Variants in MMRN1 observed in about 807,000 individuals in gnomAD.
MMRN1 encodes multimerin-1.
A neutral mutation model predicts 100.7 loss-of-function variants in MMRN1; 94 were observed. The observed-to-expected ratio is 0.93, with a 90% CI of 0.79 to 1.11. The LOEUF is 1.11. Ranked by LOEUF, MMRN1 falls within the 50% of genes least tolerant of loss-of-function variation. The probability of loss-of-function intolerance (pLI) is 0.00; values close to 1 mark genes in which losing one functional copy is unlikely to be tolerated. For missense variants in MMRN1, 1,606 were observed against 1,439.1 expected, an observed-to-expected ratio of 1.12 and a Z score of -1.88; for synonymous variants, 575 against 505.0, an observed-to-expected ratio of 1.14 and a Z score of -1.86.
chr4:89,886,579 T>G (rs1720941314), intron 1 of MMRN1, among the ~76,000 whole-genome samples: 1 of 152,178 alleles, frequency 6.6e-6, no homozygotes, highest in Non-Finnish European at 1.5e-5. Flanking sequence ...TGTTCGAATC[T>G]TCTATATCAT....
At chr4:89,887,006 G>A (rs995203129) in intron 1 of MMRN1, among the ~76,000 whole-genome samples, 2 of 151,850 alleles carry the variant, frequency 1.3e-5, no homozygotes, top group Non-Finnish European at 1.5e-5. Context: ...TTTATCCCCT[G>A]CTCATCACTA....
intron 5 of MMRN1, among the ~76,000 whole-genome samples, chr4:89,933,261 T>G (rs1488355856): frequency 6.6e-5 from 10 of 152,102 alleles, no homozygotes; most frequent in Admixed American, 6.6e-4. Flanking sequence ...TCTGAGACCA[T>G]CTCAGCCTGG....
intron 1 of MMRN1, among the ~76,000 whole-genome samples, chr4:89,885,268 A>C (rs1365285211): frequency 6.6e-6 from 1 of 151,720 alleles, no homozygotes; most frequent in Non-Finnish European, 1.5e-5. Context: ...AATCAACCTT[A>C]ACTTCTTTGA....
chr4:89,888,615 T>C lies in MMRN1; in HGVS notation c.-248-6109T>C, dbSNP rs1475598190. Among the ~76,000 whole-genome samples the C allele has an allele frequency of 2.6e-5, 4 of 152,066 alleles. No individual in the cohort carries two copies. The East Asian group carries it at 7.7e-4, about 29-fold the overall frequency. On this transcript the variant is annotated intron_variant, in intron 1 of 8. Transcript: ENST00000394980. Reference sequence around the variant, plus strand: ...GAAATTGTTCCACAGATCTCGACACTGTGTATTTCGTTCACATATTCATCT... The same window carrying C: ...GAAATTGTTCCACAGATCTCGACACCGTGTATTTCGTTCACATATTCATCT...
intron 3 of MMRN1, among the ~76,000 whole-genome samples, chr4:89,917,436 G>C (rs2110606532): frequency 6.6e-6 from 1 of 151,898 alleles, no homozygotes; most frequent in African/African-American, 2.4e-5. Flanking sequence ...ATGATGATTG[G>C]TGGGAAGGGG....
intron 3 of MMRN1, among the ~76,000 whole-genome samples, chr4:89,913,376 G>C (rs1338069412): frequency 6.6e-6 from 1 of 151,312 alleles, no homozygotes; most frequent in Non-Finnish European, 1.5e-5. Context: ...CTTATTAGTA[G>C]ACATGTGGCA....
At chr4:89,948,267 C>T (rs1276397193) in intron 6 of MMRN1, among the ~76,000 whole-genome samples, 5 of 152,106 alleles carry the variant, frequency 3.3e-5, no homozygotes, top group Admixed American at 3.3e-4. Flanking sequence ...ACTAATCCAT[C>T]AGGTATTTTT....
intron 1 of MMRN1, among the ~76,000 whole-genome samples, chr4:89,899,172 A>C (rs1721304177): frequency 6.6e-6 from 1 of 151,802 alleles, no homozygotes; most frequent in East Asian, 1.9e-4. Context: ...ATTCAGGATT[A>C]TTCTGGCATA....
chr4:89,953,448 A>G lies in MMRN1; in HGVS notation c.*30A>G. Reference sequence around the variant, plus strand: ...GTATGAAAAACAGACTATCACCTTTATTGAGAAACAGCCAGTGTTTTCATT... The same window carrying G: ...GTATGAAAAACAGACTATCACCTTTGTTGAGAAACAGCCAGTGTTTTCATT... On this transcript the variant is annotated 3_prime_UTR_variant, in exon 8 of 8. Transcript: ENST00000264790. 3.3e-6 allele frequency: 5 copies of G among 1,529,756 alleles called. No individual in the cohort carries two copies. Among genetic ancestry groups the G allele is most frequent in the Non-Finnish European group, 4.4e-6 (5 of 1,138,970 alleles). The allele number at this position is 1,529,756 out of a possible 1,614,324, so 94.8% of individuals were successfully genotyped here. A position where few individuals can be genotyped will look rare whatever the true frequency, so the allele number is the denominator to read the frequency against.
intron 1 of MMRN1, 141 bp from the exon 2 acceptor site, chr4:89,909,135 A>G (rs944592893): frequency 1.2e-5 from 9 of 775,094 alleles, no homozygotes; most frequent in African/African-American, 1.1e-4. Context: ...ATATTTAAAT[A>G]TTTTAAAGCT....
chr4:89,917,894 T>C (rs571134849), intron 3 of MMRN1, among the ~76,000 whole-genome samples: 2 of 152,068 alleles, frequency 1.3e-5, no homozygotes, highest in South Asian at 4.1e-4. Context: ...ACTGTGTGTA[T>C]TTTTGAATGT....
intron 1 of MMRN1, among the ~76,000 whole-genome samples, chr4:89,906,196 T>A (rs1721559020): frequency 6.6e-6 from 1 of 151,530 alleles, no homozygotes; most frequent in Non-Finnish European, 1.5e-5. Flanking sequence ...AAATAAAAAA[T>A]ATAGTAAACT....
At chr4:89,929,996 A>G (rs1342098793) in intron 5 of MMRN1, among the ~76,000 whole-genome samples, 1 of 152,168 alleles carries the variant, frequency 6.6e-6, no homozygotes, top group Non-Finnish European at 1.5e-5. Flanking sequence ...TACATTCACA[A>G]TTACAGAAGG....
chr4:89,883,198 C>T (rs987334301), intron 1 of MMRN1, among the ~76,000 whole-genome samples: 5 of 151,952 alleles, frequency 3.3e-5, no homozygotes, highest in South Asian at 2.1e-4. Flanking sequence ...TGGGCTGTTA[C>T]GAATATTCTT....
At chr4:89,902,259 T>G (rs902156928) in intron 1 of MMRN1, 1 of 151,698 alleles carries the variant, frequency 6.6e-6, no homozygotes, top group African/African-American at 2.4e-5. Context: ...CGCACCAGCA[T>G]GGCACATGTA....
chr4:89,923,317 A>G (rs764506443), intron 4 of MMRN1, 45 bp downstream of exon 4: 2 of 1,510,736 alleles, frequency 1.3e-6, no homozygotes, highest in East Asian at 4.5e-5. Context: ...ATTATTGTCA[A>G]TGCTATTTAT....
At chr4:89,917,666 A>G (rs1275167807) in intron 3 of MMRN1, among the ~76,000 whole-genome samples, 1 of 151,930 alleles carries the variant, frequency 6.6e-6, no homozygotes, top group Non-Finnish European at 1.5e-5. Flanking sequence ...GGATGATACC[A>G]GCTAAATGAT....
At chr4:89,883,261 G>A (rs1208468497) in intron 1 of MMRN1, among the ~76,000 whole-genome samples, 2 of 151,844 alleles carry the variant, frequency 1.3e-5, no homozygotes, top group Non-Finnish European at 1.5e-5. Context: ...AAGTATCTCA[G>A]GCAAAATTCT....
chr4:89,892,198 A>C (rs2110575756), upstream of MMRN1, among the ~76,000 whole-genome samples: 1 of 151,994 alleles, frequency 6.6e-6, no homozygotes, highest in African/African-American at 2.4e-5. Flanking sequence ...ATAACTCATA[A>C]TATAATAAAT....
Sources: allele counts gnomAD v4.1 joint callset (sites outside exome capture counted in the v4.1 genomes callset), GRCh38; gene constraint gnomAD v4.1.1; transcripts MANE v1.5; gene names NCBI Gene and HGNC (gene_info 2026-07-23, HGNC 2026-07-21).